ABCC4: variants seen among roughly 807,000 people sequenced by gnomAD.
The protein encoded by ABCC4 is ATP-binding cassette sub-family C member 4.
Under a neutral mutation model 168.5 loss-of-function variants are expected in ABCC4, and 102 were observed. The ratio of observed to expected loss-of-function variants is 0.61; its 90% CI spans 0.52 to 0.71. ABCC4 has a LOEUF of 0.71. Among genes scored for constraint, ABCC4 ranks in the 30% least tolerant of loss-of-function variants. The pLI is 0.00. For missense variants in ABCC4, 1,402 were observed against 1,605.8 expected (o/e 0.87, Z 2.17); for synonymous variants, 617 against 590.7 (o/e 1.04, Z -0.65).
At chr13:95,105,794 C>G (rs2034982675) in intron 20 of ABCC4, among the ~76,000 whole-genome samples, 1 of 152,130 alleles carries the variant, frequency 6.6e-6, no homozygotes, top group African/African-American at 2.4e-5. Context: ...TGTCCAACCC[C>G]AAGATGCTGA....
intron 27 of ABCC4, among the ~76,000 whole-genome samples, chr13:95,048,030 A>G (rs1056135061): frequency 1.3e-5 from 2 of 152,214 alleles, no homozygotes; most frequent in Admixed American, 1.3e-4. Flanking sequence ...AGTCACAAGG[A>G]TACCTCATTT....
intron 3 of ABCC4, among the ~76,000 whole-genome samples, chr13:95,239,426 A>T (rs998082473): frequency 6.6e-6 from 1 of 152,240 alleles, no homozygotes; most frequent in Non-Finnish European, 1.5e-5. Context: ...ACATAAAAGG[A>T]GTTAAAGCTG....
chr13:95,124,791 T>C (rs1399639359), intron 19 of ABCC4, among the ~76,000 whole-genome samples: 2 of 144,054 alleles, frequency 1.4e-5, no homozygotes, highest in Non-Finnish European at 3.0e-5. Flanking sequence ...TGAGGCAGAA[T>C]TGCCTGAACC....
At chr13:95,188,156 T>C (rs1432677525) in intron 10 of ABCC4, among the ~76,000 whole-genome samples, 1 of 137,066 alleles carries the variant, frequency 7.3e-6, no homozygotes, top group African/African-American at 2.7e-5. Flanking sequence ...AGTTCCCACT[T>C]TCTTAGTCAA....
chr13:95,110,208 C>T (rs555485915), intron 20 of ABCC4, among the ~76,000 whole-genome samples: 7 of 149,562 alleles, frequency 4.7e-5, no homozygotes, highest in East Asian at 2.0e-4. Flanking sequence ...ACTCGGGAGG[C>T]GGAGGCAGGA....
chr13:95,149,957 T>C (rs908740147), intron 19 of ABCC4, among the ~76,000 whole-genome samples: 1 of 152,182 alleles, frequency 6.6e-6, no homozygotes, highest in Non-Finnish European at 1.5e-5. Flanking sequence ...AGGGGAGATA[T>C]ACTGTTTTCT....
intron 19 of ABCC4, among the ~76,000 whole-genome samples, chr13:95,149,970 G>A (rs898720405): frequency 3.3e-5 from 5 of 152,162 alleles, no homozygotes; most frequent in Non-Finnish European, 4.4e-5. Flanking sequence ...TGTTTTCTCA[G>A]ATGTTGCTGC....
chr13:95,246,163 C>T lies in ABCC4; in HGVS notation c.306+812G>A, dbSNP rs149794045. Among the ~76,000 whole-genome samples, 190 of 152,280 alleles carry T rather than the reference C, an allele frequency of 1.2e-3. 2 individuals are homozygous for T. Among genetic ancestry groups the T allele is most frequent in the African/African-American group, 4.3e-3 (177 of 41,558 alleles). On this transcript the variant is annotated intron_variant, in intron 3 of 30. Coordinates refer to ENST00000645237, the MANE Select transcript of ABCC4 (RefSeq NM_005845.5). ...CTTCGGGGTAACAGAGGTTATTGCCCTTCTGGCTGTCTTTGATTTTTCATG... is the reference window on the plus strand; with the variant it reads ...CTTCGGGGTAACAGAGGTTATTGCCTTTCTGGCTGTCTTTGATTTTTCATG...
chr13:95,089,404 G>C (rs1171160676), intron 20 of ABCC4, among the ~76,000 whole-genome samples: 2 of 152,154 alleles, frequency 1.3e-5, no homozygotes, highest in Non-Finnish European at 2.9e-5. Context: ...CGGATCACAA[G>C]GTCAGGAGTT....
In ABCC4 at chr13:95,209,573, A is replaced by G. The variant is rs751579223; in HGVS notation, c.646T>C (p.Trp216Arg). ...DQVTVFLHFL[W>R]AGPLQAIAVT... The stretch of plus-strand genomic sequence containing the variant: ...GCAATCGCCTGCAGTGGTCCTGCCC[A>G]CAGGAAGTGTAAGAACACTGTCACC... Residue 216 changes from tryptophan to arginine, a missense_variant, in exon 6 of 31, where the codon TGG (tryptophan) becomes CGG (arginine). Trp to Arg is a moderately radical substitution (Grantham distance 101). Around this residue, in one of 3 missense-constraint regions of ABCC4, gnomAD observed 317 missense variants for 345.5 expected, o/e 0.92. Transcript: ENST00000645237. 2.7e-5 allele frequency: 44 copies of G among 1,613,302 alleles called. No homozygotes were observed. Among genetic ancestry groups the G allele is most frequent in the Non-Finnish European group, 3.7e-5 (44 of 1,179,670 alleles).
chr13:95,118,087 C>T (rs534268942), intron 19 of ABCC4, among the ~76,000 whole-genome samples: 1 of 152,272 alleles, frequency 6.6e-6, no homozygotes, highest in Admixed American at 6.5e-5. Context: ...CACCTCCTCA[C>T]ACAGCTACGC....
At chr13:95,071,304 G>A (rs1751037) in intron 25 of ABCC4, among the ~76,000 whole-genome samples, 134,519 of 152,186 alleles carry the variant, frequency 0.88, 60,114 homozygotes, top group Non-Finnish European at 0.95. Context: ...AGCTGCAGCA[G>A]TGGAGGGGAA....
chr13:95,294,482 G>A (rs890139696), intron 1 of ABCC4, among the ~76,000 whole-genome samples: 12 of 152,094 alleles, frequency 7.9e-5, no homozygotes, highest in African/African-American at 2.4e-4. Context: ...ACCATCTTGC[G>A]GCTCGGCCTC....
intron 1 of ABCC4, among the ~76,000 whole-genome samples, chr13:95,287,258 C>G (rs2041280918): frequency 1.3e-5 from 2 of 151,886 alleles, no homozygotes; most frequent in South Asian, 4.2e-4. Context: ...TGCCACTGCA[C>G]TCCAGCCTGG....
chr13:95,262,420 T>C (rs941824286), intron 1 of ABCC4, among the ~76,000 whole-genome samples: 1 of 152,216 alleles, frequency 6.6e-6, no homozygotes, highest in African/African-American at 2.4e-5. Flanking sequence ...TATAAATAGA[T>C]ACCTAAATAA....
chr13:95,065,820 CTT>C (rs1365667921), intron 25 of ABCC4, among the ~76,000 whole-genome samples: 1 of 152,242 alleles, frequency 6.6e-6, no homozygotes, highest in Admixed American at 6.5e-5. Context: ...GGTATTATAA[CTT>C]TGTTTTAATC....
intron 27 of ABCC4, among the ~76,000 whole-genome samples, chr13:95,052,422 C>T (rs2032881578): frequency 6.6e-6 from 1 of 152,154 alleles, no homozygotes; most frequent in African/African-American, 2.4e-5. Flanking sequence ...TGTTAAAATA[C>T]ACAAACCAAC....
At chr13:95,192,744 C>G (rs981042480) in intron 9 of ABCC4, among the ~76,000 whole-genome samples, 1 of 152,136 alleles carries the variant, frequency 6.6e-6, no homozygotes. Flanking sequence ...ATGGGAGAAA[C>G]CCTGTCTCTA....
intron 19 of ABCC4, among the ~76,000 whole-genome samples, chr13:95,135,754 C>A (rs1395573859): frequency 6.6e-6 from 1 of 152,092 alleles, no homozygotes; most frequent in Non-Finnish European, 1.5e-5. Context: ...ATTCTAAACA[C>A]CCATATTAAT....
Sources: gnomAD v4.1 joint callset for allele counts (sites outside exome capture counted in the v4.1 genomes callset) on GRCh38, gnomAD v4.1.1 for gene constraint, gnomAD v4.1.1 regional missense constraint, MANE v1.5 for transcripts, NCBI Gene and HGNC (gene_info 2026-07-23, HGNC 2026-07-21) for gene names.